The following SCFD2 variants were observed in gnomAD, a reference collection of about 807,000 sequenced individuals.
SCFD2 encodes sec1 family domain containing 2.
SCFD2 carries 54 observed loss-of-function variants against 58.9 expected under a neutral mutation model. The observed-to-expected ratio is 0.92, with a 90% CI of 0.74 to 1.15. The LOEUF (loss-of-function observed/expected upper bound fraction) is 1.15, where lower values mean the gene tolerates loss of function less well. Among genes scored for constraint, SCFD2 ranks in the 50% most tolerant of loss-of-function variants. SCFD2 has a pLI of 0.00. For synonymous variants in SCFD2, 321 were observed against 335.9 expected, an observed-to-expected ratio of 0.96 and a Z score of 0.49; for missense variants, 805 against 836.6, an observed-to-expected ratio of 0.96 and a Z score of 0.47.
chr4:53,259,072 G>C (rs972384327), intron 4 of SCFD2, among the ~76,000 whole-genome samples: 3 of 151,712 alleles, frequency 2.0e-5, no homozygotes, highest in African/African-American at 7.3e-5. Context: ...TGGTGGGATT[G>C]TTTCTTCTGC....
chr4:53,150,495 A>G (rs971939748), intron 4 of SCFD2, among the ~76,000 whole-genome samples: 3 of 152,206 alleles, frequency 2.0e-5, no homozygotes, highest in African/African-American at 4.8e-5. Context: ...GCTCTTCTCT[A>G]TTCTTAGAAT....
chr4:52,918,135 T>C (rs1337988631), intron 6 of SCFD2, among the ~76,000 whole-genome samples: 1 of 144,930 alleles, frequency 6.9e-6, no homozygotes, highest in African/African-American at 2.5e-5. Flanking sequence ...TGGAGCTGGG[T>C]AGAAAGCATA....
At chr4:53,185,891 G>T (rs1193169085) in intron 4 of SCFD2, among the ~76,000 whole-genome samples, 1 of 152,088 alleles carries the variant, frequency 6.6e-6, no homozygotes, top group Non-Finnish European at 1.5e-5. Flanking sequence ...TCCTTGAGAT[G>T]CAACATGGAT....
intron 3 of SCFD2, among the ~76,000 whole-genome samples, chr4:53,284,446 T>C (rs1460397162): frequency 1.3e-5 from 2 of 152,186 alleles, no homozygotes; most frequent in East Asian, 1.9e-4. Context: ...TCATTTTTTA[T>C]TTTATATATG....
intron 5 of SCFD2, among the ~76,000 whole-genome samples, chr4:52,972,936 G>A (rs1250698070): frequency 6.6e-6 from 1 of 152,170 alleles, no homozygotes; most frequent in Non-Finnish European, 1.5e-5. Flanking sequence ...ATAACAAAAT[G>A]AAGGCAGAAA....
chr4:52,985,275 A>C, intron 5 of SCFD2, among the ~76,000 whole-genome samples: 1 of 152,246 alleles, frequency 6.6e-6, no homozygotes, highest in East Asian at 1.9e-4. Flanking sequence ...GAAAACACAG[A>C]AACAGCCAGC....
At chr4:53,184,845 C>T (rs78173907) in intron 4 of SCFD2, among the ~76,000 whole-genome samples, 7 of 152,006 alleles carry the variant, frequency 4.6e-5, no homozygotes, top group East Asian at 1.9e-4. Flanking sequence ...ATATACCCTG[C>T]GGGCCCATGA....
intron 5 of SCFD2, among the ~76,000 whole-genome samples, chr4:52,974,499 A>C (rs1721198257): frequency 6.6e-6 from 1 of 152,188 alleles, no homozygotes; most frequent in Non-Finnish European, 1.5e-5. Context: ...ACTACAAACC[A>C]CTGCTCAAGG....
At chr4:53,360,567 C>T (rs1442740701) in intron 1 of SCFD2, among the ~76,000 whole-genome samples, 2 of 152,178 alleles carry the variant, frequency 1.3e-5, no homozygotes, top group East Asian at 1.9e-4. Context: ...ATCACCCTAC[C>T]AGGCCATTGC....
At chr4:53,249,529 G>A (rs1249748318) in intron 4 of SCFD2, among the ~76,000 whole-genome samples, 7 of 152,092 alleles carry the variant, frequency 4.6e-5, no homozygotes, top group African/African-American at 1.7e-4. Context: ...TGAAATGAAG[G>A]AAAAAATGTT....
At chr4:53,156,504 T>G (rs777012212) in intron 4 of SCFD2, among the ~76,000 whole-genome samples, 22 of 151,878 alleles carry the variant, frequency 1.4e-4, no homozygotes, top group Non-Finnish European at 3.2e-4. Flanking sequence ...AAGACCATCC[T>G]GACTAACACG....
chr4:53,330,654 A>C (rs1733419005), intron 2 of SCFD2, among the ~76,000 whole-genome samples: 1 of 152,116 alleles, frequency 6.6e-6, no homozygotes, highest in Non-Finnish European at 1.5e-5. Context: ...CCAAAATGTA[A>C]AGACCATCGA....
chr4:52,927,839 G>C (rs570535204), intron 5 of SCFD2, among the ~76,000 whole-genome samples: 131 of 152,060 alleles, frequency 8.6e-4, no homozygotes, highest in Non-Finnish European at 1.5e-3. Context: ...CCGGTGACTG[G>C]GTCAGGTGGA....
chr4:53,296,639 T>G (rs1056982810), intron 3 of SCFD2, among the ~76,000 whole-genome samples: 4 of 152,184 alleles, frequency 2.6e-5, no homozygotes, highest in Non-Finnish European at 4.4e-5. Context: ...TCTATCTCCT[T>G]CAGTTCTGCT....
intron 2 of SCFD2, among the ~76,000 whole-genome samples, chr4:53,334,398 A>G (rs1294404359): frequency 2.6e-5 from 4 of 152,112 alleles, no homozygotes; most frequent in Admixed American, 6.5e-5. Context: ...TGGCACATAT[A>G]CACCATGGAA....
chr4:53,000,237 CG>C (rs973260858), intron 5 of SCFD2, among the ~76,000 whole-genome samples: 1 of 152,182 alleles, frequency 6.6e-6, no homozygotes, highest in African/African-American at 2.4e-5. Context: ...GTACCTGGAA[CG>C]CCCATTAGGT....
At chr4:53,064,735 A>C (rs1276608984) in intron 5 of SCFD2, among the ~76,000 whole-genome samples, 1 of 152,102 alleles carries the variant, frequency 6.6e-6, no homozygotes, top group Non-Finnish European at 1.5e-5. Context: ...ATATCTCCTT[A>C]TGAGGTCTGA....
chr4:53,248,053 T>A (rs1239230300), intron 4 of SCFD2, among the ~76,000 whole-genome samples: 3 of 152,040 alleles, frequency 2.0e-5, no homozygotes, highest in South Asian at 2.1e-4. Flanking sequence ...TGGGCGCAGG[T>A]CAGTGGGTGC....
At chr4:53,208,948 T>G (rs1415536289) in intron 4 of SCFD2, among the ~76,000 whole-genome samples, 2 of 152,098 alleles carry the variant, frequency 1.3e-5, no homozygotes, top group African/African-American at 2.4e-5. Flanking sequence ...TACCCAATAT[T>G]TGCATTTCTA....
Sources: gnomAD v4.1 joint callset for allele counts (sites outside exome capture counted in the v4.1 genomes callset) on GRCh38, gnomAD v4.1.1 for gene constraint, MANE v1.5 for transcripts, NCBI Gene and HGNC (gene_info 2026-07-23, HGNC 2026-07-21) for gene names.